CREB3L3: variants seen among roughly 807,000 people sequenced by gnomAD.
CREB3L3 encodes the protein cyclic AMP-responsive element-binding protein 3-like protein 3.
CREB3L3 carries 40 observed loss-of-function variants against 44.6 expected under a neutral mutation model. The ratio of observed to expected loss-of-function variants is 0.90; its 90% confidence interval spans 0.70 to 1.17. The LOEUF is 1.17. Among genes scored for constraint, CREB3L3 ranks in the 50% most tolerant of loss-of-function variants. The pLI, the probability that CREB3L3 is intolerant of heterozygous loss-of-function variation, is 0.00. For missense variants in CREB3L3, 578 were observed against 595.8 expected, an observed-to-expected ratio of 0.97 and a Z score of 0.31; for synonymous variants, 273 against 256.3, an observed-to-expected ratio of 1.06 and a Z score of -0.62.
intron 4 of CREB3L3, among the ~76,000 whole-genome samples, chr19:4,161,561 T>G (rs1257713554): frequency 1.3e-5 from 2 of 152,166 alleles, no homozygotes; most frequent in African/African-American, 4.8e-5. Context: ...TTGAAGGCCA[T>G]CTACCCTGCC....
intron 1 of CREB3L3, among the ~76,000 whole-genome samples, 187 bp downstream of exon 1, chr19:4,153,961 G>A (rs986025441): frequency 6.6e-6 from 1 of 152,130 alleles, no homozygotes; most frequent in Non-Finnish European, 1.5e-5. Context: ...TTTCTTCCAG[G>A]TCCCCCTGCC....
chr19:4,155,239 A>C (rs1332835012), intron 2 of CREB3L3, among the ~76,000 whole-genome samples: 1 of 152,216 alleles, frequency 6.6e-6, no homozygotes, highest in Admixed American at 6.6e-5. Flanking sequence ...GGCCCAGAGC[A>C]GGGTGGAAAC....
At chr19:4,156,890 G>A in intron 2 of CREB3L3, 105 bp from the exon 3 acceptor site, 1 of 1,170,176 alleles carries the variant, frequency 8.5e-7, no homozygotes, top group East Asian at 2.4e-5. Flanking sequence ...AGAAGGGAAG[G>A]ACACCTAAGG....
chr19:4,171,914 G>GGCC lies in CREB3L3; in HGVS notation c.1333_1335dup (p.Pro445dup). The stretch of plus-strand genomic sequence containing the variant: ...GCCCTGCTGGACTGGGTGGCGCCTG[G>GGCC]GCCGAGCACTGGCTCAGGACGTGCA... On this transcript the variant is annotated inframe_insertion, in exon 10 of 10. Transcript: ENST00000078445. This position sits in a 1 kb window ranked among gnomAD's most constrained non-coding sequence, Gnocchi z 4.9. 6.2e-7 allele frequency: 1 copy of GGCC among 1,611,946 alleles called. No homozygotes were observed. The highest frequency in any genetic ancestry group is 8.5e-7 in the Non-Finnish European group (1 of 1,179,538).
chr19:4,168,948 T>C (rs1966983474), intron 6 of CREB3L3, among the ~76,000 whole-genome samples: 2 of 151,970 alleles, frequency 1.3e-5, no homozygotes, highest in South Asian at 4.1e-4. Flanking sequence ...TTGCCCAGGC[T>C]AGTCTCAAAC....
At position 4,171,089 on chromosome 19, in the gene CREB3L3, A is replaced by C; in HGVS notation, c.891-2A>C. 1 of 1,613,538 alleles carries C rather than the reference A, an allele frequency of 6.2e-7. No individual in the cohort carries two copies. The highest frequency in any genetic ancestry group is 2.2e-5 in the East Asian group (1 of 44,876). On this transcript the variant is annotated splice_acceptor_variant, in intron 7 of 9. Transcript: ENST00000078445. LOFTEE classifies it high-confidence loss of function. The surrounding 1 kb of genome is among the most constrained non-coding windows in gnomAD (Gnocchi z 4.9). ...CAGCGGAGGCCTGCCTGTCTCTCTA[A>C]GGTCCCTCTTGGAGCAACTGAAGAA...
chr19:4,168,359 GC>G lies in CREB3L3; in HGVS notation c.724del (p.Arg242GlufsTer3), dbSNP rs1303448190. 3 of 1,609,756 alleles carry G rather than the reference GC, an allele frequency of 1.9e-6. No homozygotes were observed. In the South Asian group the frequency reaches 3.3e-5, roughly 18 times the overall value. On this transcript the variant is annotated frameshift_variant, in exon 6 of 10. Transcript: ENST00000078445. LOFTEE classifies it high-confidence loss of function. ...CCCATTTCACTTGGCAGTACGAGGA[GC>G]GAGTGCTGAAAAAAATCCGCCGGAA... Reference protein sequence around the residue: ...TQLPLTKYEERVLKKIRRKIR... With the variant: ...TQLPLTKYEEXVLKKIRRKIR...
chr19:4,171,010 G>A lies in CREB3L3; in HGVS notation c.891-81G>A. 2.9e-6 allele frequency: 3 copies of A among 1,017,870 alleles called. No homozygotes were observed. The East Asian group carries it at 7.1e-5, about 24-fold the overall frequency. 63.1% of individuals were successfully genotyped at this position (1,017,870 alleles called of 1,614,324 possible). On this transcript the variant is annotated intron_variant, in intron 7 of 9. Coordinates refer to ENST00000078445, the MANE Select transcript of CREB3L3 (RefSeq NM_032607.3). This position sits in a 1 kb window ranked among gnomAD's most constrained non-coding sequence, Gnocchi z 4.9. Reference sequence around the variant, plus strand: ...AATGGATGGAATTTGGACTTTAGCGGGGCTGGGGGACCCCGGAAATGGACG... The same window carrying A: ...AATGGATGGAATTTGGACTTTAGCGAGGCTGGGGGACCCCGGAAATGGACG...
At position 4,168,678 on chromosome 19, in the gene CREB3L3, G is replaced by A. The variant is rs1307601223; in HGVS notation, c.821+221G>A. ...ACCCTTTGCCCCCTAGAAGGTGTGC[G>A]GAAAAAGGACAAAGTGTGACCCATC... On this transcript the variant is annotated intron_variant, in intron 6 of 9. Coordinates refer to ENST00000078445, the MANE Select transcript of CREB3L3 (RefSeq NM_032607.3). 4.6e-5 allele frequency among the ~76,000 whole-genome samples: 7 copies of A among 152,192 alleles called. 1 individual carries two copies. The highest frequency in any genetic ancestry group is 2.0e-4 in the Admixed American group (3 of 15,278).
Position 4,172,140 on chromosome 19 carries a change from C to T in CREB3L3, c.*171C>T, listed in dbSNP as rs971332422. 7.1e-6 allele frequency: 5 copies of T among 699,962 alleles called. No homozygotes were observed. The highest frequency in any genetic ancestry group is 9.3e-6 in the Non-Finnish European group (4 of 429,028). 43.4% of individuals were successfully genotyped at this position (699,962 alleles called of 1,614,324 possible). Reference sequence around the variant, plus strand: ...ACACCCAGGGCCTGACTGAGGCCCACGCAGGAACCGACACTCAGACACAAG... The same window carrying T: ...ACACCCAGGGCCTGACTGAGGCCCATGCAGGAACCGACACTCAGACACAAG... On this transcript the variant is annotated 3_prime_UTR_variant, in exon 10 of 10. Coordinates refer to ENST00000078445, the MANE Select transcript of CREB3L3 (RefSeq NM_032607.3).
intron 3 of CREB3L3, among the ~76,000 whole-genome samples, chr19:4,158,445 T>C (rs111532783): frequency 0.05 from 7,592 of 151,608 alleles, 623 homozygotes; most frequent in African/African-American, 0.18. Flanking sequence ...TGCAGTGAGC[T>C]GAGATCATGC....
At chr19:4,156,275 C>T (rs2041575550) in intron 2 of CREB3L3, among the ~76,000 whole-genome samples, 1 of 151,726 alleles carries the variant, frequency 6.6e-6, no homozygotes, top group Admixed American at 6.6e-5. Flanking sequence ...GCAACCCCCA[C>T]CTCCCAGGTT....
At chr19:4,167,354 G>GAAAGAA (rs10669157) in intron 5 of CREB3L3, among the ~76,000 whole-genome samples, 2,777 of 130,676 alleles carry the variant, frequency 0.021, 47 homozygotes, top group South Asian at 0.038. Context: ...AAGAAAGAAA[G>GAAAGAA]AGAGAGAGAG....
chr19:4,153,636 A>G lies in CREB3L3; in HGVS notation c.-112A>G. The G allele has an allele frequency of 7.6e-7, 1 of 1,315,634 alleles. No individual in the cohort carries two copies. The highest frequency in any genetic ancestry group is 1.9e-4 in the Middle Eastern group (1 of 5,156). The allele number at this position is 1,315,634 out of a possible 1,614,324, so 81.5% of individuals were successfully genotyped here. A position where few individuals can be genotyped will look rare whatever the true frequency, so the allele number is the denominator to read the frequency against. ...CAGCATCTTTTGGGAGTGGTGACAG[A>G]GCCACAGAGGGCTGTGAGCTTGCCC... On this transcript the variant is annotated 5_prime_UTR_variant, in exon 1 of 10. Coordinates refer to ENST00000078445, the MANE Select transcript of CREB3L3 (RefSeq NM_032607.3).
chr19:4,155,698 C>T (rs2041562896), intron 2 of CREB3L3, among the ~76,000 whole-genome samples: 1 of 147,060 alleles, frequency 6.8e-6, no homozygotes, highest in African/African-American at 2.5e-5. Flanking sequence ...TTTTCTCTTT[C>T]CTTCCTTCCT....
intron 4 of CREB3L3, among the ~76,000 whole-genome samples, chr19:4,163,352 G>GA (rs754844942): frequency 0.011 from 1,310 of 119,104 alleles, 13 homozygotes; most frequent in Middle Eastern, 0.043. Flanking sequence ...AAGAAAGAAA[G>GA]AAGGAAGGAA....
intron 1 of CREB3L3, 99 bp downstream of exon 1, chr19:4,153,873 A>T: frequency 7.6e-7 from 1 of 1,320,556 alleles, no homozygotes; most frequent in Non-Finnish European, 1.1e-6. Flanking sequence ...CCCCTATTGT[A>T]CAGATGGGAA....
chr19:4,159,545 C>A, intron 3 of CREB3L3, 119 bp from the exon 4 acceptor site: 1 of 734,490 alleles, frequency 1.4e-6, no homozygotes, highest in Non-Finnish European at 2.5e-6. Flanking sequence ...TGGCAGAAGT[C>A]ATATGAATGT....
rs531779839 is a variant in CREB3L3 at position 4,154,973 on chromosome 19, C to T, written c.102C>T (p.Asp34=). The change falls in exon 2 of 10, where the codon GAC becomes GAT. Residue 34 remains aspartate, a synonymous_variant. Transcript: ENST00000078445. The part of the protein sequence containing the change: ...ELLDLLFDRQ[D]GILRHVELGE... The stretch of plus-strand genomic sequence containing the variant: ...TGGATCTCCTGTTTGACCGGCAGGA[C>T]GGCATCCTGAGACACGTGGAGCTGG... 9.3e-5 allele frequency: 150 copies of T among 1,613,048 alleles called. No homozygotes were observed. The Middle Eastern group carries it at 1.3e-3, about 14-fold the overall frequency.
Sources: allele counts gnomAD v4.1 joint callset (sites outside exome capture counted in the v4.1 genomes callset), GRCh38; gene constraint gnomAD v4.1.1; non-coding constraint Gnocchi (gnomAD v3.1); transcripts MANE v1.5; gene names NCBI Gene and HGNC (gene_info 2026-07-23, HGNC 2026-07-21).